The following CRPPA variants were observed in gnomAD, a reference collection of about 807,000 sequenced individuals.
CRPPA encodes D-ribitol-5-phosphate cytidylyltransferase.
A neutral mutation model predicts 52.0 loss-of-function variants in CRPPA; 43 were observed. The observed-to-expected ratio is 0.83, with a 90% confidence interval of 0.65 to 1.07. The LOEUF (loss-of-function observed/expected upper bound fraction) is 1.07, where lower values mean the gene tolerates loss of function less well. Among genes scored for constraint, CRPPA ranks in the 50% least tolerant of loss-of-function variants. The pLI is 0.00. For missense variants in CRPPA, 629 were observed against 551.7 expected (o/e 1.14, Z -1.40); for synonymous variants, 250 against 203.5 (o/e 1.23, Z -1.94).
chr7:16,120,192 C>A (rs988001329), intron 9 of CRPPA, among the ~76,000 whole-genome samples: 19 of 152,146 alleles, frequency 1.2e-4, no homozygotes, highest in African/African-American at 4.6e-4. Context: ...CTCCTTTAAG[C>A]CCTTCAGGTG....
chr7:16,414,526 A>G (rs1788147106), intron 1 of CRPPA, among the ~76,000 whole-genome samples: 1 of 152,190 alleles, frequency 6.6e-6, no homozygotes, highest in Non-Finnish European at 1.5e-5. Context: ...ATCAATTGAT[A>G]AATTGTGAGT....
chr7:16,245,844 A>G (rs1783258057), intron 8 of CRPPA, among the ~76,000 whole-genome samples: 1 of 152,174 alleles, frequency 6.6e-6, no homozygotes, highest in Non-Finnish European at 1.5e-5. Context: ...TGACCAAACA[A>G]TAATATACAT....
At chr7:16,263,415 A>G (rs960750811) in intron 6 of CRPPA, among the ~76,000 whole-genome samples, 1 of 152,198 alleles carries the variant, frequency 6.6e-6, no homozygotes, top group African/African-American at 2.4e-5. Flanking sequence ...GCTATTATGT[A>G]TTTCTTAAAC....
chr7:16,238,412 AAG>A (rs1219006413), intron 8 of CRPPA, among the ~76,000 whole-genome samples: 4 of 152,172 alleles, frequency 2.6e-5, no homozygotes, highest in Non-Finnish European at 5.9e-5. Flanking sequence ...AATTGGTAAG[AAG>A]AAACAGTGTG....
intron 9 of CRPPA, among the ~76,000 whole-genome samples, chr7:16,129,574 G>A (rs934595226): frequency 6.6e-6 from 1 of 152,048 alleles, no homozygotes; most frequent in Non-Finnish European, 1.5e-5. Context: ...CAGATATCAT[G>A]TTACATCATC....
chr7:16,133,156 A>T (rs1782708215), intron 9 of CRPPA, among the ~76,000 whole-genome samples: 1 of 122,004 alleles, frequency 8.2e-6, no homozygotes, highest in Admixed American at 8.4e-5. Context: ...CTCTACTAAA[A>T]ATAAAAAAAA....
intron 4 of CRPPA, among the ~76,000 whole-genome samples, chr7:16,305,249 A>G (rs192604208): frequency 3.3e-5 from 5 of 152,294 alleles, no homozygotes; most frequent in Non-Finnish European, 4.4e-5. Context: ...CCTGAAAACA[A>G]CAGCAATATT....
intron 9 of CRPPA, among the ~76,000 whole-genome samples, chr7:16,138,314 G>C (rs1384602905): frequency 6.6e-6 from 1 of 152,220 alleles, no homozygotes; most frequent in East Asian, 1.9e-4. Flanking sequence ...GTCTGTGCAA[G>C]GATAGCACTG....
intron 3 of CRPPA, among the ~76,000 whole-genome samples, chr7:16,327,374 T>A (rs897978411): frequency 6.6e-6 from 1 of 150,966 alleles, no homozygotes; most frequent in Middle Eastern, 3.2e-3. Flanking sequence ...GGGTGGATCA[T>A]GAGGTCAGGA....
At chr7:16,342,367 T>A (rs1396150310) in intron 3 of CRPPA, among the ~76,000 whole-genome samples, 1 of 152,124 alleles carries the variant, frequency 6.6e-6, no homozygotes, top group Non-Finnish European at 1.5e-5. Context: ...GGAGAAAATA[T>A]GCTAAGTTAA....
rs535666716 is a variant in CRPPA at position 16,167,119 on chromosome 7, G to A, written c.1251+48947C>T. 2.0e-5 allele frequency among the ~76,000 whole-genome samples: 3 copies of A among 151,996 alleles called. No homozygotes were observed. In the South Asian group the frequency reaches 6.2e-4, roughly 32 times the overall value. On this transcript the variant is annotated intron_variant, in intron 9 of 9. Coordinates refer to ENST00000407010, the MANE Select transcript of CRPPA (RefSeq NM_001101426.4). ...AATTTTTTGTACTTAGTAGAGACGGGGTTTCACCATGTTAGCCAGGATGGT... is the reference window on the plus strand; with the variant it reads ...AATTTTTTGTACTTAGTAGAGACGGAGTTTCACCATGTTAGCCAGGATGGT...
chr7:16,351,341 T>C (rs1397248006), intron 3 of CRPPA, among the ~76,000 whole-genome samples: 1 of 152,098 alleles, frequency 6.6e-6, no homozygotes, highest in Non-Finnish European at 1.5e-5. Context: ...ATTCAGGACA[T>C]ACGCATGGGC....
chr7:16,222,828 C>G (rs775886957), intron 8 of CRPPA, among the ~76,000 whole-genome samples: 23 of 152,098 alleles, frequency 1.5e-4, no homozygotes, highest in Non-Finnish European at 2.8e-4. Flanking sequence ...ATACATAATA[C>G]TTCTACATAT....
At chr7:16,136,863 T>C (rs1360495057) in intron 9 of CRPPA, among the ~76,000 whole-genome samples, 1 of 149,576 alleles carries the variant, frequency 6.7e-6, no homozygotes, top group East Asian at 1.9e-4. Flanking sequence ...TATGTCTAGA[T>C]TATGATATCT....
At chr7:16,386,750 G>A (rs187159595) in intron 2 of CRPPA, among the ~76,000 whole-genome samples, 7 of 152,226 alleles carry the variant, frequency 4.6e-5, no homozygotes, top group East Asian at 3.9e-4. Flanking sequence ...GCTGGGTACA[G>A]TGGCTCACAC....
At chr7:16,116,217 C>T (rs1222426918) in intron 9 of CRPPA, among the ~76,000 whole-genome samples, 2 of 152,086 alleles carry the variant, frequency 1.3e-5, no homozygotes, top group Non-Finnish European at 1.5e-5. Context: ...CATGTGATCC[C>T]TGATATGATG....
In CRPPA at chr7:16,286,034, AAAAAATATAAATAT is replaced by A. The variant is rs1562608260; in HGVS notation, c.836-7822_836-7809del. On this transcript the variant is annotated intron_variant, in intron 5 of 9. Coordinates refer to ENST00000407010, the MANE Select transcript of CRPPA (RefSeq NM_001101426.4). ...AAACTCCATCTCAAAAAAAAAAAAA[AAAAAATATAAATAT>A]ATATATATATATATATATATATATA... Among the ~76,000 whole-genome samples, 116 of 21,322 alleles carry A rather than the reference AAAAAATATAAATAT, an allele frequency of 5.4e-3. 2 individuals carry two copies. The highest frequency in any genetic ancestry group is 8.3e-3 in the Non-Finnish European group (93 of 11,252). The allele number at this position is 21,322 out of a possible 152,430, so 14.0% of individuals were successfully genotyped here. A position where few individuals can be genotyped will look rare whatever the true frequency, so the allele number is the denominator to read the frequency against.
chr7:16,098,075 C>T (rs183115889), intron 9 of CRPPA, among the ~76,000 whole-genome samples: 3 of 152,228 alleles, frequency 2.0e-5, no homozygotes, highest in Admixed American at 2.0e-4. Context: ...TTGAACTACA[C>T]ACATATCAGC....
chr7:16,310,466 G>T (rs1405173204), intron 3 of CRPPA, among the ~76,000 whole-genome samples: 2 of 152,108 alleles, frequency 1.3e-5, no homozygotes, highest in East Asian at 3.9e-4. Flanking sequence ...ATTGTAATGT[G>T]AAAGATCAAA....
Sources: gnomAD v4.1 joint callset for allele counts (sites outside exome capture counted in the v4.1 genomes callset) on GRCh38, gnomAD v4.1.1 for gene constraint, MANE v1.5 for transcripts, NCBI Gene and HGNC (gene_info 2026-07-23, HGNC 2026-07-21) for gene names.